TNFRSF11B: variants seen among roughly 807,000 people sequenced by gnomAD.
TNFRSF11B encodes TNF receptor superfamily member 11b.
TNFRSF11B carries 16 observed loss-of-function variants against 43.4 expected under a neutral mutation model. That is an observed-to-expected ratio of 0.37 (90% CI 0.25 to 0.56). The LOEUF is 0.56. Ranked by LOEUF, TNFRSF11B falls within the 20% of genes least tolerant of loss-of-function variation. The pLI is 0.80. For synonymous variants in TNFRSF11B, 185 were observed against 181.8 expected, an observed-to-expected ratio of 1.02 and a Z score of -0.14; for missense variants, 444 against 490.1, an observed-to-expected ratio of 0.91 and a Z score of 0.89.
chr8:118,929,476 G>A (rs1450491868), intron 2 of TNFRSF11B, among the ~76,000 whole-genome samples: 1 of 152,168 alleles, frequency 6.6e-6, no homozygotes, highest in Non-Finnish European at 1.5e-5. Flanking sequence ...ATAAACTTTT[G>A]AAGGTGGCAA....
At chr8:118,941,073 G>A (rs1372893993) in intron 1 of TNFRSF11B, among the ~76,000 whole-genome samples, 1 of 152,118 alleles carries the variant, frequency 6.6e-6, no homozygotes, top group African/African-American at 2.4e-5. Context: ...CAAGCACAAA[G>A]CCTGCAGTTT....
chr8:118,924,689 G>A lies in TNFRSF11B; in HGVS notation c.891C>T (p.Ser297=), dbSNP rs1261223788. 6.2e-7 allele frequency: 1 copy of A among 1,614,148 alleles called. No individual in the cohort carries two copies. The change falls in exon 5 of 5, where the codon AGC becomes AGT. Residue 297 remains serine (S), a synonymous_variant. Transcript: ENST00000297350. ...HANLTFEQLR[S]LMESLPGKKV... ...TCTTTCCCGGTAAGCTTTCCATCAA[G>A]CTACGAAGCTGCTCGAAGGTGAGGT...
rs1812212661 is a variant in TNFRSF11B, at chr8:118,923,822, A to T, written c.*552T>A. On this transcript the variant is annotated 3_prime_UTR_variant, in exon 5 of 5. Coordinates refer to ENST00000297350, the MANE Select transcript of TNFRSF11B (RefSeq NM_002546.4). ...AAAATGCTACAAACTTTCCATTAAA[A>T]ATATATATTTTCTCTTTCATTTGTC... is the stretch of plus-strand genomic sequence containing the variant. The T allele has an allele frequency of 6.6e-6, 1 of 152,656 alleles. No individual in the cohort carries two copies. The allele number at this position is 152,656 out of a possible 1,614,324, so 9.5% of individuals were successfully genotyped here.
chr8:118,931,329 A>T (rs550033653), intron 2 of TNFRSF11B, among the ~76,000 whole-genome samples: 40 of 152,310 alleles, frequency 2.6e-4, no homozygotes, highest in Non-Finnish European at 3.8e-4. Context: ...TACACAGAGT[A>T]AAATGTGTAC....
chr8:118,949,482 C>T (rs1282654580), intron 1 of TNFRSF11B, among the ~76,000 whole-genome samples: 16 of 152,110 alleles, frequency 1.1e-4, no homozygotes, highest in Admixed American at 1.0e-3. Flanking sequence ...ATATGCATAT[C>T]ATTATTATCA....
intron 1 of TNFRSF11B, among the ~76,000 whole-genome samples, chr8:118,937,600 A>T (rs527319912): frequency 1.4e-4 from 22 of 152,342 alleles, no homozygotes; most frequent in Middle Eastern, 3.4e-3. Context: ...ATGAGTGTGA[A>T]AAAAATTATT....
chr8:118,933,635 G>A (rs1198109800), intron 1 of TNFRSF11B, among the ~76,000 whole-genome samples: 2 of 152,170 alleles, frequency 1.3e-5, no homozygotes, highest in African/African-American at 4.8e-5. Context: ...ATTATCTCTA[G>A]GTGAGTGAGT....
In TNFRSF11B at chr8:118,936,808, AAAAAC is replaced by A. The variant is rs922020730; in HGVS notation, c.31-3513_31-3509del. ...ACAGAGCGAGACTCTGTCTCAAAACAAAAACAAAACAAAACAAAACAAAAGCCTAC... is the reference window on the plus strand; with the variant it reads ...ACAGAGCGAGACTCTGTCTCAAAACAAAAACAAAACAAAACAAAAGCCTAC... On this transcript the variant is annotated intron_variant, in intron 1 of 4. Transcript: ENST00000297350. Among the ~76,000 whole-genome samples, 129 of 152,280 alleles carry A rather than the reference AAAAAC, an allele frequency of 8.5e-4. 2 individuals carry two copies. Among genetic ancestry groups the A allele is most frequent in the Admixed American group, 4.2e-3 (64 of 15,290 alleles).
At chr8:118,942,209 C>A (rs1197646126) in intron 1 of TNFRSF11B, among the ~76,000 whole-genome samples, 3 of 94,910 alleles carry the variant, frequency 3.2e-5, no homozygotes, top group African/African-American at 1.7e-4. Context: ...CTAATGCTAT[C>A]CCTTCCCCCT....
At chr8:118,946,822 T>C (rs1463167820) in intron 1 of TNFRSF11B, among the ~76,000 whole-genome samples, 1 of 152,168 alleles carries the variant, frequency 6.6e-6, no homozygotes, top group Non-Finnish European at 1.5e-5. Flanking sequence ...ATATTTTATA[T>C]CTAAATGCCT....
intron 1 of TNFRSF11B, among the ~76,000 whole-genome samples, chr8:118,939,439 A>G (rs1812447792): frequency 1.3e-5 from 2 of 152,228 alleles, no homozygotes; most frequent in East Asian, 1.9e-4. Context: ...GAGAAAGAGC[A>G]AGAAAAGACT....
rs1423911924 is a variant in TNFRSF11B, at chr8:118,933,293, T to C, written c.38A>G (p.Asp13Gly). Residue 13 changes from aspartate (D) to glycine (G), a missense_variant, in exon 2 of 5, where the codon GAC (aspartate) becomes GGC (glycine). Coordinates refer to ENST00000297350, the MANE Select transcript of TNFRSF11B (RefSeq NM_002546.4). ...CTGGGTGGTCCACTTAATGGAGATG[T>C]CCAGAAACTAGAAGGAGAAAGGAAC... is the stretch of plus-strand genomic sequence containing the variant. ...NLLCCALVFL[D>G]ISIKWTTQET... The C allele has an allele frequency of 6.2e-7, 1 of 1,613,468 alleles. No individual in the cohort carries two copies. The highest frequency in any genetic ancestry group is 1.3e-5 in the African/African-American group (1 of 74,920).
At position 118,932,993 on chromosome 8, in the gene TNFRSF11B, A is replaced by T. The variant is rs1224453801; in HGVS notation, c.338T>A (p.Leu113His). Residue 113 changes from leucine to histidine, a missense_variant, in exon 2 of 5, where the codon CTT (leucine) becomes CAT (histidine). Physicochemically the swap from Leu to His is moderately conservative, Grantham distance 99. Transcript: ENST00000297350. Reference protein sequence around the residue: ...RVCECKEGRYLEIEFCLKHRS... With the variant: ...RVCECKEGRYHEIEFCLKHRS... ...ATGTTTCAAGCAGAACTCTATCTCA[A>T]GGTAGCGCCCTTCCTTGCATTCGCA... 6.2e-7 allele frequency: 1 copy of T among 1,614,122 alleles called. No individual in the cohort carries two copies. The highest frequency in any genetic ancestry group is 1.1e-5 in the South Asian group (1 of 91,080).
chr8:118,924,935 T>C (rs549473116), intron 4 of TNFRSF11B, among the ~76,000 whole-genome samples, 173 bp from the exon 5 acceptor site: 6 of 152,316 alleles, frequency 3.9e-5, no homozygotes, highest in Non-Finnish European at 7.3e-5. Context: ...AGAACTGAGA[T>C]AAATATTTTT....
chr8:118,942,674 G>A (rs1199631930), intron 1 of TNFRSF11B, among the ~76,000 whole-genome samples: 2 of 151,990 alleles, frequency 1.3e-5, no homozygotes, highest in African/African-American at 4.8e-5. Flanking sequence ...CATCTCTAAT[G>A]AGATATGATT....
rs553787539 is a variant in TNFRSF11B, at chr8:118,924,314, A to G, written c.*60T>C. On this transcript the variant is annotated 3_prime_UTR_variant, in exon 5 of 5. Transcript: ENST00000297350. ...TGAAAGCCTCAAGTGCCTGAGAAAC[A>G]GTTTACTCATCCATGGGATCTCGCC... The G allele has an allele frequency of 1.1e-5, 17 of 1,587,058 alleles. No individual in the cohort carries two copies. In the South Asian group the frequency reaches 1.7e-4, roughly 16 times the overall value.
intron 1 of TNFRSF11B, among the ~76,000 whole-genome samples, chr8:118,944,457 T>C (rs1812530620): frequency 6.6e-6 from 1 of 152,036 alleles, no homozygotes; most frequent in Admixed American, 6.6e-5. Flanking sequence ...CCCGACCCCA[T>C]CCTCACCAGG....
chr8:118,945,276 T>TTGTTTG (rs1563693851), intron 1 of TNFRSF11B, among the ~76,000 whole-genome samples: 1 of 149,534 alleles, frequency 6.7e-6, no homozygotes, highest in African/African-American at 2.5e-5. Context: ...TAATGCACAA[T>TTGTTTG]TGTGTGTGTG....
chr8:118,924,494 A>G lies in TNFRSF11B; in HGVS notation c.1086T>C (p.Thr362=), dbSNP rs1465532185. 6 of 1,613,888 alleles carry G rather than the reference A, an allele frequency of 3.7e-6. No individual in the cohort carries two copies. In the South Asian group the frequency reaches 5.5e-5, roughly 15 times the overall value. ...ACCTGATGGTCTTCTTTAGACTCTG[A>G]GTGACAGTTTTGGGAAAGTGGTACG... ...SKTYHFPKTV[T]QSLKKTIRFL... The change falls in exon 5 of 5, where the codon ACT becomes ACC. Residue 362 remains threonine (T), a synonymous_variant. Coordinates refer to ENST00000297350, the MANE Select transcript of TNFRSF11B (RefSeq NM_002546.4).
Sources: gnomAD v4.1 joint callset for allele counts (sites outside exome capture counted in the v4.1 genomes callset) on GRCh38, gnomAD v4.1.1 for gene constraint, MANE v1.5 for transcripts, NCBI Gene and HGNC (gene_info 2026-07-23, HGNC 2026-07-21) for gene names.